The following NXPE2 variants were observed in gnomAD, a reference collection of about 807,000 sequenced individuals.
The protein encoded by NXPE2 is NXPE family member 2.
A neutral mutation model predicts 34.4 loss-of-function variants in NXPE2; 34 were observed. The ratio of observed to expected loss-of-function variants is 0.99; its 90% confidence interval spans 0.75 to 1.31. NXPE2 has a LOEUF of 1.31. Ranked by LOEUF, NXPE2 falls within the 40% of genes most tolerant of loss-of-function variation. The pLI is 0.00. For missense variants in NXPE2, 649 were observed against 672.5 expected, an observed-to-expected ratio of 0.97 and a Z score of 0.39; for synonymous variants, 235 against 231.3, an observed-to-expected ratio of 1.02 and a Z score of -0.15.
upstream of NXPE2, among the ~76,000 whole-genome samples, chr11:114,674,987 G>T (rs1435912142): frequency 6.6e-6 from 1 of 151,732 alleles, no homozygotes; most frequent in Admixed American, 6.6e-5. Flanking sequence ...TGGATGCAAG[G>T]ATGGTTCAAC....
At chr11:114,607,871 G>A in the NXPE2 span, among the ~76,000 whole-genome samples, 1 of 151,826 alleles carries the variant, frequency 6.6e-6, no homozygotes, top group Admixed American at 6.6e-5. Flanking sequence ...CTGTTACCTG[G>A]TGGATAGTAA....
At chr11:114,635,970 C>A in the NXPE2 span, among the ~76,000 whole-genome samples, 2 of 152,046 alleles carry the variant, frequency 1.3e-5, no homozygotes, top group Non-Finnish European at 2.9e-5. Context: ...CAGGATGATG[C>A]TGGCCTCATA....
At chr11:114,630,799 T>C in the NXPE2 span, among the ~76,000 whole-genome samples, 1 of 151,730 alleles carries the variant, frequency 6.6e-6, no homozygotes, top group African/African-American at 2.4e-5. Flanking sequence ...ATATCCAGAA[T>C]CTACAATGAA....
chr11:114,466,245 T>C, the NXPE2 span, among the ~76,000 whole-genome samples: 28 of 152,212 alleles, frequency 1.8e-4, no homozygotes, highest in Non-Finnish European at 3.8e-4. Flanking sequence ...GAAAATAATT[T>C]TGGTACTGCA....
the NXPE2 span, among the ~76,000 whole-genome samples, chr11:114,660,882 G>A: frequency 1.3e-5 from 2 of 152,092 alleles, no homozygotes; most frequent in Admixed American, 6.5e-5. Flanking sequence ...GAACTATTTA[G>A]TGTCAGCAAG....
At chr11:114,523,316 C>A in the NXPE2 span, among the ~76,000 whole-genome samples, 1 of 152,102 alleles carries the variant, frequency 6.6e-6, no homozygotes, top group Admixed American at 6.6e-5. Context: ...TAATTCCTTT[C>A]CTCCTAAATT....
chr11:114,485,248 G>A, the NXPE2 span, among the ~76,000 whole-genome samples: 1 of 151,766 alleles, frequency 6.6e-6, no homozygotes, highest in Non-Finnish European at 1.5e-5. Flanking sequence ...TTACTCTGTT[G>A]CCCAGGCTGG....
the NXPE2 span, among the ~76,000 whole-genome samples, chr11:114,745,739 A>C: frequency 6.6e-6 from 1 of 152,184 alleles, no homozygotes; most frequent in African/African-American, 2.4e-5. Flanking sequence ...AATAAGGTAG[A>C]AAAACTAGAT....
chr11:114,542,285 C>A, the NXPE2 span, among the ~76,000 whole-genome samples: 2 of 152,098 alleles, frequency 1.3e-5, no homozygotes, highest in East Asian at 3.9e-4. Flanking sequence ...TATAAGAAGA[C>A]AAACTGACCT....
chr11:114,705,720 C>T, intron 4 of NXPE2, 61 bp from the exon 5 acceptor site: 1 of 1,082,880 alleles, frequency 9.2e-7, no homozygotes, highest in Admixed American at 3.8e-5. Flanking sequence ...AAATGAGAAA[C>T]ATTTTTCCAA....
the NXPE2 span, among the ~76,000 whole-genome samples, chr11:114,671,287 G>A: frequency 6.6e-6 from 1 of 151,364 alleles, no homozygotes; most frequent in Admixed American, 6.6e-5. Flanking sequence ...TAGATCTTTA[G>A]AGAAATACGG....
At chr11:114,558,752 G>A in the NXPE2 span, among the ~76,000 whole-genome samples, 11 of 152,074 alleles carry the variant, frequency 7.2e-5, no homozygotes, top group Non-Finnish European at 1.5e-4. Flanking sequence ...TAACATGATC[G>A]TTTTGAAAGC....
At chr11:114,609,539 C>T in the NXPE2 span, among the ~76,000 whole-genome samples, 8 of 151,906 alleles carry the variant, frequency 5.3e-5, no homozygotes, top group Admixed American at 2.6e-4. Flanking sequence ...ACCACTGTTA[C>T]CCAATGGATA....
At chr11:114,614,439 G>C in the NXPE2 span, among the ~76,000 whole-genome samples, 1 of 151,532 alleles carries the variant, frequency 6.6e-6, no homozygotes, top group Non-Finnish European at 1.5e-5. Flanking sequence ...GTATTGCCTC[G>C]TGGGTAACCA....
chr11:114,489,128 C>T, the NXPE2 span, among the ~76,000 whole-genome samples: 32 of 152,068 alleles, frequency 2.1e-4, no homozygotes, highest in African/African-American at 7.0e-4. Context: ...ATAAATTCCT[C>T]GACACATACA....
the NXPE2 span, among the ~76,000 whole-genome samples, chr11:114,727,226 C>T: frequency 6.6e-6 from 1 of 152,096 alleles, no homozygotes; most frequent in Non-Finnish European, 1.5e-5. Context: ...GTCTCTGCTT[C>T]AGTGGCTAGA....
chr11:114,513,245 A>G, the NXPE2 span: 2 of 523,220 alleles, frequency 3.8e-6, no homozygotes, highest in Non-Finnish European at 7.6e-6. Flanking sequence ...AGGGTTGAGG[A>G]TGGTGGCTGT....
chr11:114,639,356 C>T, the NXPE2 span, among the ~76,000 whole-genome samples: 2 of 152,060 alleles, frequency 1.3e-5, no homozygotes, highest in Non-Finnish European at 2.9e-5. Context: ...CCCGATTTTC[C>T]AGGTGCCGTC....
At chr11:114,601,786 CATGTG>C in the NXPE2 span, among the ~76,000 whole-genome samples, 2 of 56,054 alleles carry the variant, frequency 3.6e-5, no homozygotes, top group South Asian at 1.1e-3. Context: ...AATTATATAA[CATGTG>C]ATATATGATT....
Sources: gnomAD v4.1 joint callset for allele counts (sites outside exome capture counted in the v4.1 genomes callset) on GRCh38, gnomAD v4.1.1 for gene constraint, MANE v1.5 for transcripts, NCBI Gene and HGNC (gene_info 2026-07-23, HGNC 2026-07-21) for gene names.